The following CEP162 variants were observed in gnomAD, a reference collection of about 807,000 sequenced individuals.
CEP162 encodes the protein centrosomal protein 162.
In CEP162, 141 loss-of-function variants were observed where a neutral mutation model predicts 169.2. The observed-to-expected ratio is 0.83, with a 90% CI of 0.73 to 0.96. The LOEUF (loss-of-function observed/expected upper bound fraction) is 0.96, where lower values mean the gene tolerates loss of function less well. Among genes scored for constraint, CEP162 ranks in the 40% least tolerant of loss-of-function variants. The pLI is 0.00. For missense variants in CEP162, 1,600 were observed against 1,587.2 expected (o/e 1.01, Z -0.14); for synonymous variants, 540 against 526.4 (o/e 1.03, Z -0.35).
chr6:84,169,734 T>C (rs1422466744), intron 17 of CEP162, among the ~76,000 whole-genome samples: 1 of 152,202 alleles, frequency 6.6e-6, no homozygotes, highest in African/African-American at 2.4e-5. Flanking sequence ...TCTACAAAGA[T>C]GCGCTGCATT....
chr6:84,149,471 A>G, intron 24 of CEP162, 91 bp downstream of exon 24: 1 of 1,060,552 alleles, frequency 9.4e-7, no homozygotes, highest in Non-Finnish European at 1.3e-6. Flanking sequence ...AAAAGTTAAA[A>G]CATTTCCAAA....
chr6:84,136,940 C>G (rs2099514371), intron 25 of CEP162, among the ~76,000 whole-genome samples: 1 of 152,200 alleles, frequency 6.6e-6, no homozygotes, highest in Admixed American at 6.5e-5. Flanking sequence ...TTTGTATGAA[C>G]TGAAATACTT....
chr6:84,161,061 C>A (rs567703782), intron 20 of CEP162, 145 bp from the exon 21 acceptor site: 2 of 627,906 alleles, frequency 3.2e-6, no homozygotes, highest in South Asian at 4.0e-5. Context: ...TCTTTGAGCT[C>A]CTCCCAAGTT....
chr6:84,178,775 A>C lies in CEP162; in HGVS notation c.1664-3428T>G, dbSNP rs539708090. On this transcript the variant is annotated intron_variant, in intron 13 of 26. Transcript: ENST00000403245. The stretch of plus-strand genomic sequence containing the variant: ...GCTGCACCCATTAACTCATCATTTA[A>C]ATTAGGTATATCTCCTAATGCTATA... 2.0e-5 allele frequency among the ~76,000 whole-genome samples: 3 copies of C among 152,172 alleles called. No individual in the cohort carries two copies. In the South Asian group the frequency reaches 6.2e-4, roughly 32 times the overall value.
intron 25 of CEP162, among the ~76,000 whole-genome samples, chr6:84,127,185 A>G (rs2099509284): frequency 6.6e-6 from 1 of 152,162 alleles, no homozygotes; most frequent in Admixed American, 6.6e-5. Flanking sequence ...TTTATCCCAT[A>G]TAATCATGAA....
intron 6 of CEP162, among the ~76,000 whole-genome samples, chr6:84,206,059 G>A (rs1483662823): frequency 2.0e-5 from 3 of 148,766 alleles, no homozygotes; most frequent in Non-Finnish European, 4.4e-5. Flanking sequence ...CCTGCTCAAC[G>A]AAATAAAAGA....
intron 18 of CEP162, among the ~76,000 whole-genome samples, chr6:84,168,314 T>C (rs2099528633): frequency 6.6e-6 from 1 of 152,164 alleles, no homozygotes; most frequent in African/African-American, 2.4e-5. Context: ...CCTTCCTACA[T>C]ACACATGCAA....
chr6:84,211,526 CAAA>C (rs960472453), intron 6 of CEP162, among the ~76,000 whole-genome samples: 224 of 35,562 alleles, frequency 6.3e-3, no homozygotes, highest in African/African-American at 0.016. Context: ...GATTCTATCT[CAAA>C]AAAAAAAAAA....
chr6:84,161,967 CTAAAT>C (rs1307224121), intron 19 of CEP162, 58 bp from the exon 20 acceptor site: 10 of 1,101,504 alleles, frequency 9.1e-6, no homozygotes, highest in African/African-American at 1.6e-5. Context: ...TGGAAATAAA[CTAAAT>C]TAAAAGATTT....
chr6:84,175,102 ATCAC>A (rs994285202), intron 14 of CEP162, 108 bp downstream of exon 14: 29 of 870,112 alleles, frequency 3.3e-5, no homozygotes, highest in Non-Finnish European at 4.4e-5. Flanking sequence ...TGATTACAGT[ATCAC>A]TCAAAGGAAA....
At chr6:84,185,041 T>G in intron 13 of CEP162, 146 bp downstream of exon 13, 1 of 685,168 alleles carries the variant, frequency 1.5e-6, no homozygotes, top group East Asian at 2.7e-5. Context: ...TCTAACTACT[T>G]TTCATCACCT....
chr6:84,221,260 C>T (rs2099553617), intron 2 of CEP162, 89 bp from the exon 3 acceptor site: 5 of 675,420 alleles, frequency 7.4e-6, no homozygotes, highest in South Asian at 1.8e-5. Flanking sequence ...TATTAGTTCG[C>T]TCACAGTTCA....
At chr6:84,170,373 C>CAAAAAA (rs57988482) in intron 17 of CEP162, among the ~76,000 whole-genome samples, 3 of 28,350 alleles carry the variant, frequency 1.1e-4, no homozygotes, top group Non-Finnish European at 3.8e-4. Context: ...GACTCCGTCT[C>CAAAAAA]AAAAAAAAAA....
rs975667470 is a variant in CEP162 at position 84,206,107 on chromosome 6, A to G, written c.572-2011T>C. ...ATGGAAGAACATTCCATGCTCATGGATAGGAAGAATCAATATCGTGAAAAT... is the reference window on the plus strand; with the variant it reads ...ATGGAAGAACATTCCATGCTCATGGGTAGGAAGAATCAATATCGTGAAAAT... On this transcript the variant is annotated intron_variant, in intron 6 of 26. Transcript: ENST00000403245. Among the ~76,000 whole-genome samples the G allele has an allele frequency of 1.6e-4, 24 of 149,452 alleles. 2 individuals carry two copies. The highest frequency in any genetic ancestry group is 5.9e-4 in the African/African-American group (23 of 38,794).
At chr6:84,224,694 A>G (rs1006627056) in intron 2 of CEP162, among the ~76,000 whole-genome samples, 4 of 152,216 alleles carry the variant, frequency 2.6e-5, no homozygotes, top group Admixed American at 6.5e-5. Flanking sequence ...CACAGTAAAA[A>G]AAAAATGACA....
rs187706998 is a variant in CEP162 at position 84,153,149 on chromosome 6, C to T, written c.3025G>A (p.Glu1009Lys). Residue 1009 changes from glutamate (E) to lysine (K), a missense_variant, in exon 23 of 27, where the codon GAG (glutamate) becomes AAG (lysine). Physicochemically the swap from Glu to Lys is moderately conservative, Grantham distance 56. Coordinates refer to ENST00000403245, the MANE Select transcript of CEP162 (RefSeq NM_014895.4). ...IQYEQRLEQQ[E>K]QLLACKLNQH... is the part of the protein sequence containing the mutation. ...TTCAATTTGCAGGCAAGTAGCTGCTCCTGCTGCTCTAGTCTTTGTTCATAC... is the reference window on the plus strand; with the variant it reads ...TTCAATTTGCAGGCAAGTAGCTGCTTCTGCTGCTCTAGTCTTTGTTCATAC... 93 of 1,608,070 alleles carry T rather than the reference C, an allele frequency of 5.8e-5. No individual in the cohort carries two copies. In the Admixed American group the frequency reaches 1.5e-3, roughly 25 times the overall value.
At chr6:84,137,377 C>T (rs1025730477) in intron 25 of CEP162, among the ~76,000 whole-genome samples, 7 of 150,304 alleles carry the variant, frequency 4.7e-5, no homozygotes, top group Non-Finnish European at 1.0e-4. Flanking sequence ...GATCATTCCA[C>T]TATCTGTTCA....
Position 84,155,353 on chromosome 6 carries a change from T to C in CEP162, c.2939A>G (p.Asp980Gly). 6.2e-7 allele frequency: 1 copy of C among 1,613,726 alleles called. No individual in the cohort carries two copies. Among genetic ancestry groups the C allele is most frequent in the South Asian group, 1.1e-5 (1 of 91,074 alleles). Residue 980 changes from aspartate to glycine, a missense_variant, in exon 22 of 27, where the codon GAT becomes GGT. Asp to Gly is a moderately conservative substitution (Grantham distance 94). Transcript: ENST00000403245. The stretch of plus-strand genomic sequence containing the variant: ...ACGAAGGCTTTTCTTTGCATCTTCA[T>C]CTTTGCCCTCCAGATCAGCTTCTAG... ...KKLEADLEGK[D>G]EDAKKSLRTM...
chr6:84,200,286 A>G (rs896230635), intron 9 of CEP162, among the ~76,000 whole-genome samples: 1 of 152,182 alleles, frequency 6.6e-6, no homozygotes, highest in African/African-American at 2.4e-5. Context: ...ATAGATTTCA[A>G]CTGAAGATGT....
Sources: allele counts gnomAD v4.1 joint callset (sites outside exome capture counted in the v4.1 genomes callset), GRCh38; gene constraint gnomAD v4.1.1; transcripts MANE v1.5; gene names NCBI Gene and HGNC (gene_info 2026-07-23, HGNC 2026-07-21).